The following HEPH variants were observed in gnomAD, a reference collection of about 807,000 sequenced individuals.
HEPH encodes the protein hephaestin.
In HEPH, 69 loss-of-function variants were observed where a neutral mutation model predicts 80.8. The observed-to-expected ratio is 0.85, with a 90% CI of 0.70 to 1.04. HEPH has a LOEUF of 1.04. Ranked by LOEUF, HEPH falls within the 50% of genes least tolerant of loss-of-function variation. HEPH has a pLI of 0.00. For missense variants in HEPH, 1,115 were observed against 891.3 expected (o/e 1.25, Z -3.20); for synonymous variants, 431 against 322.8 (o/e 1.34, Z -3.60).
chrX:66,192,196 G>T lies in HEPH; in HGVS notation c.1130G>T (p.Gly377Val), dbSNP rs373443837. Residue 377 changes from glycine (G) to valine (V), a missense_variant, in exon 7 of 21, where the codon GGC becomes GTC. By Grantham distance (109) the Gly-to-Val change is moderately radical. Coordinates refer to ENST00000343002, the MANE Select transcript of HEPH (RefSeq NM_001367233.3). ...GCCCCTCCTGTGGACCTGCTCACAG[G>T]CAAAGTTCGACAGTACTTCATTGAG... ...SMAPPVDLLT[G>V]KVRQYFIEAH... is the part of the protein sequence containing the mutation. The T allele has an allele frequency of 7.4e-6, 9 of 1,208,751 alleles. No individual in the cohort carries two copies. In the Admixed American group the frequency reaches 8.7e-5, roughly 12 times the overall value.
chrX:66,266,382 G>A, intron 20 of HEPH, 58 bp from the exon 21 acceptor site: 2 of 926,873 alleles, frequency 2.2e-6, no homozygotes, highest in Non-Finnish European at 1.5e-6. Flanking sequence ...ACTATAGATA[G>A]TTACCTTTTA....
intron 20 of HEPH, among the ~76,000 whole-genome samples, chrX:66,265,056 A>G (rs1193743750): frequency 9.1e-6 from 1 of 110,444 alleles, no homozygotes; most frequent in Admixed American, 9.8e-5. Flanking sequence ...TGAGAAATTG[A>G]AAATGATTTG....
chrX:66,220,236 C>T (rs1226186149), intron 15 of HEPH, among the ~76,000 whole-genome samples: 1 of 111,584 alleles, frequency 9.0e-6, no homozygotes, highest in Non-Finnish European at 1.9e-5. Context: ...GGGCTACATG[C>T]TCAGCTAATT....
intron 15 of HEPH, among the ~76,000 whole-genome samples, chrX:66,215,515 T>A (rs182911007): frequency 1.7e-4 from 19 of 111,973 alleles, no homozygotes; most frequent in African/African-American, 5.8e-4. Flanking sequence ...TTATTTAAAT[T>A]TCCAAATGAA....
In HEPH at chrX:66,177,849, C is replaced by T. The variant is rs774853862; in HGVS notation, c.625+4048C>T. On this transcript the variant is annotated intron_variant, in intron 4 of 20. Coordinates refer to ENST00000343002, the MANE Select transcript of HEPH (RefSeq NM_001367233.3). ...ACTCTTTCAATCTTTTTGATGTAGGCGTTTAGAGCTATGAACTTCCCTTTT... is the reference window on the plus strand; with the variant it reads ...ACTCTTTCAATCTTTTTGATGTAGGTGTTTAGAGCTATGAACTTCCCTTTT... Among the ~76,000 whole-genome samples the T allele has an allele frequency of 1.2e-4, 13 of 111,003 alleles. No homozygotes were observed. The East Asian group carries it at 1.7e-3, about 15-fold the overall frequency.
intron 15 of HEPH, among the ~76,000 whole-genome samples, chrX:66,238,578 C>T (rs888199382): frequency 9.0e-6 from 1 of 111,683 alleles, no homozygotes; most frequent in African/African-American, 3.3e-5. Context: ...GAATGTTGAA[C>T]ATTGCCTGGC....
intron 15 of HEPH, among the ~76,000 whole-genome samples, chrX:66,226,288 G>T (rs967093736): frequency 9.0e-6 from 1 of 110,927 alleles, no homozygotes; most frequent in Non-Finnish European, 1.9e-5. Context: ...TATGAGGGGT[G>T]GTCTCCTCCC....
At chrX:66,229,272 G>GA (rs762839759) in intron 15 of HEPH, among the ~76,000 whole-genome samples, 2 of 112,265 alleles carry the variant, frequency 1.8e-5, no homozygotes, top group Non-Finnish European at 3.8e-5. Flanking sequence ...TACTCAGACA[G>GA]AAAAAGTAAT....
chrX:66,181,438 T>C (rs759052910), intron 4 of HEPH, among the ~76,000 whole-genome samples: 18 of 73 alleles, frequency 0.25, 4 homozygotes, highest in African/African-American at 0.7. Flanking sequence ...TTTGCATTTC[T>C]CTGATGGCCA....
At chrX:66,232,206 C>A (rs756185801) in intron 15 of HEPH, among the ~76,000 whole-genome samples, 8 of 111,213 alleles carry the variant, frequency 7.2e-5, no homozygotes, top group African/African-American at 2.6e-4. Flanking sequence ...ATTTTTGCAT[C>A]AATGTTCATC....
chrX:66,210,831 G>T (rs781104323), intron 15 of HEPH, among the ~76,000 whole-genome samples: 1 of 111,587 alleles, frequency 9.0e-6, no homozygotes, highest in East Asian at 2.8e-4. Context: ...CAAGTTTTTG[G>T]ATTAAGCACC....
At chrX:66,177,764 G>C (rs1314471558) in intron 4 of HEPH, among the ~76,000 whole-genome samples, 1 of 110,446 alleles carries the variant, frequency 9.1e-6, no homozygotes. Flanking sequence ...CTAGGGTTTG[G>C]GTTTGGTTTG....
At chrX:66,240,766 C>T (rs1371962705) in intron 15 of HEPH, among the ~76,000 whole-genome samples, 1 of 112,177 alleles carries the variant, frequency 8.9e-6, no homozygotes, top group African/African-American at 3.2e-5. Context: ...ACACAAACAA[C>T]ATTTTCAGAA....
chrX:66,204,192 A>G (rs1423531263), intron 13 of HEPH, among the ~76,000 whole-genome samples: 1 of 111,869 alleles, frequency 8.9e-6, no homozygotes, highest in African/African-American at 3.3e-5. Flanking sequence ...GAAATTGTAT[A>G]TATCACTTTT....
chrX:66,230,583 A>C (rs1159788428), intron 15 of HEPH, among the ~76,000 whole-genome samples: 86 of 99,904 alleles, frequency 8.6e-4, no homozygotes, highest in African/African-American at 3.3e-3. Context: ...TCTTTTGAGA[A>C]GTGTCTGTTC....
chrX:66,179,127 G>A (rs1050765162), intron 4 of HEPH, among the ~76,000 whole-genome samples: 2 of 111,964 alleles, frequency 1.8e-5, no homozygotes, highest in African/African-American at 3.2e-5. Flanking sequence ...TTTGTATAAG[G>A]TGTAAGGAAG....
At chrX:66,220,971 G>A (rs1396438905) in intron 15 of HEPH, among the ~76,000 whole-genome samples, 2 of 111,161 alleles carry the variant, frequency 1.8e-5, no homozygotes, top group African/African-American at 6.6e-5. Flanking sequence ...GCACATTTTT[G>A]TCCTACCTCA....
chrX:66,266,716 C>T lies in HEPH; in HGVS notation c.*44C>T, dbSNP rs751851596. The T allele has an allele frequency of 8.4e-6, 8 of 956,472 alleles. No homozygotes were observed. The highest frequency in any genetic ancestry group is 3.2e-5 in the East Asian group (1 of 31,635). The allele number at this position is 956,472 out of a possible 1,213,427, so 78.8% of individuals were successfully genotyped here. A position where few individuals can be genotyped will look rare whatever the true frequency, so the allele number is the denominator to read the frequency against. On this transcript the variant is annotated 3_prime_UTR_variant, in exon 21 of 21. Coordinates refer to ENST00000343002, the MANE Select transcript of HEPH (RefSeq NM_001367233.3). ...ATCCTCAGGAAGCACATCTGTAGTG[C>T]ACTCCCAGCAGGCCATGGACTAGTC... is the stretch of plus-strand genomic sequence containing the variant.
upstream of HEPH, chrX:66,162,739 T>A: frequency 8.7e-7 from 1 of 1,156,028 alleles, no homozygotes; most frequent in South Asian, 1.9e-5. Flanking sequence ...TGACCCAGAC[T>A]TTGCCCTACC....
Sources: gnomAD v4.1 joint callset for allele counts (sites outside exome capture counted in the v4.1 genomes callset) on GRCh38, gnomAD v4.1.1 for gene constraint, MANE v1.5 for transcripts, NCBI Gene and HGNC (gene_info 2026-07-23, HGNC 2026-07-21) for gene names.